Variants in ZBTB1 observed in about 807,000 individuals in gnomAD.
ZBTB1 encodes the protein zinc finger and BTB domain containing 1.
In ZBTB1, 13 loss-of-function variants were observed where a neutral mutation model predicts 51.6. The ratio of observed to expected loss-of-function variants is 0.25; its 90% confidence interval spans 0.16 to 0.40. The LOEUF (loss-of-function observed/expected upper bound fraction) is 0.40, where lower values mean the gene tolerates loss of function less well. Ranked by LOEUF, ZBTB1 falls within the 10% of genes least tolerant of loss-of-function variation. The pLI, the probability that ZBTB1 is intolerant of heterozygous loss-of-function variation, is 1.00. For synonymous variants in ZBTB1, 240 were observed against 282.2 expected (o/e 0.85, Z 1.50); for missense variants, 567 against 856.5 (o/e 0.66, Z 4.22).
intron 1 of ZBTB1, among the ~76,000 whole-genome samples, chr14:64,508,419 C>G (rs551873625): frequency 6.6e-6 from 1 of 151,980 alleles, no homozygotes; most frequent in African/African-American, 2.4e-5. Flanking sequence ...ACTGGACATT[C>G]TTCCTGCAAG....
chr14:64,517,785 T>A lies in ZBTB1; in HGVS notation c.-18-3702T>A, dbSNP rs867070456. 7.0e-3 allele frequency among the ~76,000 whole-genome samples: 632 copies of A among 90,086 alleles called. 1 individual carries two copies. Among genetic ancestry groups the A allele is most frequent in the South Asian group, 0.013 (33 of 2,598 alleles). 59.1% of individuals were successfully genotyped at this position (90,086 alleles called of 152,430 possible). Reference sequence around the variant, plus strand: ...TATATATATATATATATATATATTTTTTTTTTTTTTTTTTTTTTGAGACAG... The same window carrying A: ...TATATATATATATATATATATATTTATTTTTTTTTTTTTTTTTTGAGACAG... On this transcript the variant is annotated intron_variant, in intron 1 of 1. Coordinates refer to ENST00000683701, the MANE Select transcript of ZBTB1 (RefSeq NM_001123329.2).
Position 64,508,138 on chromosome 14 carries a change from A to G in ZBTB1, c.-19+3192A>G, listed in dbSNP as rs1000710083. Among the ~76,000 whole-genome samples the G allele has an allele frequency of 3.9e-5, 6 of 152,234 alleles. No homozygotes were observed. In the South Asian group the frequency reaches 1.2e-3, roughly 32 times the overall value. ...GATGATCTAAAAACAGAGCCCCAAA[A>G]TAGTACATAGAAAGTTAATTACAAC... On this transcript the variant is annotated intron_variant, in intron 1 of 1. Coordinates refer to ENST00000683701, the MANE Select transcript of ZBTB1 (RefSeq NM_001123329.2).
At chr14:64,520,923 C>T (rs1028225158) in intron 1 of ZBTB1, among the ~76,000 whole-genome samples, 8 of 150,802 alleles carry the variant, frequency 5.3e-5, no homozygotes, top group East Asian at 3.9e-4. Flanking sequence ...AGTGCAGTGG[C>T]GTGACGCAAC....
rs768311327 is a variant in ZBTB1, at chr14:64,523,490, T to G, written c.1986T>G (p.Thr662=). Residue 662 remains threonine, a synonymous_variant, in exon 2 of 2, where the codon ACT becomes ACG. Transcript: ENST00000683701. The surrounding 1 kb of genome is among the most constrained non-coding windows in gnomAD (Gnocchi z 4.5). The stretch of plus-strand genomic sequence containing the variant: ...TTTCTCATTTATCTGCTGGTGAGAC[T>G]ATATGCCAGGTCTGCTTTCAGATAT... ...HMISHLSAGE[T]ICQVCFQIFP... is the part of the protein sequence containing the mutation. The G allele has an allele frequency of 1.4e-5, 22 of 1,612,600 alleles. No homozygotes were observed. Among genetic ancestry groups the G allele is most frequent in the Non-Finnish European group, 1.7e-5 (20 of 1,179,194 alleles).
chr14:64,513,140 A>G lies in ZBTB1; in HGVS notation c.-19+8194A>G, dbSNP rs75778011. 8.1e-3 allele frequency among the ~76,000 whole-genome samples: 1,232 copies of G among 152,280 alleles called. 17 individuals are homozygous for G. The highest frequency in any genetic ancestry group is 0.028 in the African/African-American group (1,170 of 41,538). ...TAAAATGATACCTATATATGGATAC[A>G]TACACAGATATGCACACATACACAC... On this transcript the variant is annotated intron_variant, in intron 1 of 1. Coordinates refer to ENST00000683701, the MANE Select transcript of ZBTB1 (RefSeq NM_001123329.2).
chr14:64,530,864 T>A (rs960514942), intron 2 of ZBTB1, among the ~76,000 whole-genome samples: 7 of 147,248 alleles, frequency 4.8e-5, no homozygotes, highest in Non-Finnish European at 1.1e-4. Flanking sequence ...AAAGATAGTA[T>A]GAAGATTACA....
chr14:64,522,385 A>G lies in ZBTB1; in HGVS notation c.881A>G (p.Asp294Gly), dbSNP rs1407010948. 6.2e-7 allele frequency: 1 copy of G among 1,614,174 alleles called. No homozygotes were observed. Among genetic ancestry groups the G allele is most frequent in the Non-Finnish European group, 8.5e-7 (1 of 1,180,030 alleles). ...YRGDTSQAAD[D>G]SASTTGSRKS... ...GGAGACACAAGCCAGGCTGCTGATG[A>G]TTCAGCTTCAACCACTGGAAGCAGA... The change falls in exon 2 of 2, where the codon GAT becomes GGT. Residue 294 changes from aspartate to glycine, a missense_variant. By Grantham distance (94) the Asp-to-Gly change is moderately conservative. Coordinates refer to ENST00000683701, the MANE Select transcript of ZBTB1 (RefSeq NM_001123329.2).
At position 64,505,000 on chromosome 14, in the gene ZBTB1, G is replaced by C. The variant is rs181685058; in HGVS notation, c.-19+54G>C. On this transcript the variant is annotated intron_variant, in intron 1 of 1. Transcript: ENST00000683701. ...TGCGCAACTTTGGCCCAGGCCGGAG[G>C]GCGACGGGCCGCGGGCCTGGCGGAG... The C allele has an allele frequency of 1.1e-3, 428 of 390,910 alleles. 3 individuals carry two copies. In the East Asian group the frequency reaches 0.015, roughly 14 times the overall value. 24.2% of individuals were successfully genotyped at this position (390,910 alleles called of 1,614,324 possible).
rs1387971169 is a variant in ZBTB1 at position 64,522,194 on chromosome 14, A to G, written c.690A>G (p.Leu230=). 21 of 1,614,134 alleles carry G rather than the reference A, an allele frequency of 1.3e-5. No individual in the cohort carries two copies. The highest frequency in any genetic ancestry group is 1.8e-5 in the Non-Finnish European group (21 of 1,180,042). ...GATTTGGCTTTAGCTGTGAAAAATT[A>G]TTAGATGAGCATGTGCTAACCTGTA... The part of the protein sequence containing the change: ...SCGFGFSCEK[L]LDEHVLTCTN... Residue 230 remains leucine, a synonymous_variant, in exon 2 of 2, where the codon TTA becomes TTG. Transcript: ENST00000683701.
At chr14:64,526,799 C>T (rs946169114), downstream of ZBTB1, among the ~76,000 whole-genome samples, 9 of 151,898 alleles carry the variant, frequency 5.9e-5, no homozygotes, top group African/African-American at 4.8e-5. Context: ...TCCGGCTACT[C>T]GGGAGGCTGA....
chr14:64,531,709 C>A lies in ZBTB1; in HGVS notation c.1899-152C>A. 10 of 753,626 alleles carry A rather than the reference C, an allele frequency of 1.3e-5. 1 individual carries two copies. The South Asian group carries it at 1.6e-4, about 12-fold the overall frequency. The allele number at this position is 753,626 out of a possible 1,614,324, so 46.7% of individuals were successfully genotyped here. ...AATAATTAAATTTAAATTCTAGGGG[C>A]TATGCTTGTGTTTCTATTCTCTGTT... is the stretch of plus-strand genomic sequence containing the variant. On this transcript the variant is annotated intron_variant, in intron 2 of 2. Transcript: ENST00000358738.
Position 64,523,821 on chromosome 14 carries a change from G to GT in ZBTB1, c.*178dup. The GT allele has an allele frequency of 1.6e-6, 2 of 1,287,600 alleles. No homozygotes were observed. The highest frequency in any genetic ancestry group is 2.0e-6 in the Non-Finnish European group (2 of 1,003,722). 79.8% of individuals were successfully genotyped at this position (1,287,600 alleles called of 1,614,324 possible). A position where few individuals can be genotyped will look rare whatever the true frequency, so the allele number is the denominator to read the frequency against. On this transcript the variant is annotated 3_prime_UTR_variant, in exon 2 of 2. Transcript: ENST00000683701. This position sits in a 1 kb window ranked among gnomAD's most constrained non-coding sequence, Gnocchi z 4.5. Reference sequence around the variant, plus strand: ...AAGTATCTACATTTAGGTATTAAATGTTTATCATTTTTGTTGTTTCTTAAT... The same window carrying GT: ...AAGTATCTACATTTAGGTATTAAATGTTTTATCATTTTTGTTGTTTCTTAAT...
intron 1 of ZBTB1, among the ~76,000 whole-genome samples, chr14:64,520,033 G>A (rs919687189): frequency 3.3e-5 from 5 of 151,890 alleles, no homozygotes; most frequent in Admixed American, 1.3e-4. Context: ...ACGGAGTCTC[G>A]CTCTGTCGCC....
chr14:64,515,379 C>G (rs1442292468), intron 1 of ZBTB1, among the ~76,000 whole-genome samples: 1 of 152,054 alleles, frequency 6.6e-6, no homozygotes, highest in Admixed American at 6.5e-5. Context: ...TTACTTAAAA[C>G]CTTTTATAGG....
chr14:64,508,064 A>G (rs2140083666), intron 1 of ZBTB1, among the ~76,000 whole-genome samples: 1 of 152,202 alleles, frequency 6.6e-6, no homozygotes, highest in African/African-American at 2.4e-5. Context: ...GCAGGGTCTC[A>G]CTCCTTAGCC....
In ZBTB1 at chr14:64,522,096, G is replaced by A. The variant is rs201229691; in HGVS notation, c.592G>A (p.Val198Met). The change falls in exon 2 of 2, where the codon GTG becomes ATG. Residue 198 changes from valine (V) to methionine (M), a missense_variant. Val to Met is a conservative substitution (Grantham distance 21). Coordinates refer to ENST00000683701, the MANE Select transcript of ZBTB1 (RefSeq NM_001123329.2). ...ATTTGATGTATGTAAAAAAAGTTCC[G>A]TGTCCAAATTATCTACTCCAAAAGA... ...PLFDVCKKSS[V>M]SKLSTPKERV... 67 of 1,614,124 alleles carry A rather than the reference G, an allele frequency of 4.2e-5. No homozygotes were observed. In the East Asian group the frequency reaches 6.2e-4, roughly 15 times the overall value.
downstream of ZBTB1, among the ~76,000 whole-genome samples, chr14:64,527,632 C>G (rs1432144286): frequency 6.6e-6 from 1 of 151,630 alleles, no homozygotes; most frequent in South Asian, 2.1e-4. Flanking sequence ...ATTAGCCAGG[C>G]GTGGTGGCGC....
intron 1 of ZBTB1, among the ~76,000 whole-genome samples, chr14:64,509,274 G>A (rs916084547): frequency 1.3e-5 from 2 of 152,210 alleles, no homozygotes; most frequent in Admixed American, 6.5e-5. Context: ...AGAGACTGAG[G>A]TGGGAGGAAC....
At position 64,523,475 on chromosome 14, in the gene ZBTB1, A is replaced by G; in HGVS notation, c.1971A>G (p.Leu657=). ...HDHVRHMISH[L]SAGETICQVC... ...ATGTACGGCATATGATTTCTCATTT[A>G]TCTGCTGGTGAGACTATATGCCAGG... is the stretch of plus-strand genomic sequence containing the variant. The change falls in exon 2 of 2, where the codon TTA becomes TTG. Residue 657 remains leucine, a synonymous_variant. Coordinates refer to ENST00000683701, the MANE Select transcript of ZBTB1 (RefSeq NM_001123329.2). This position sits in a 1 kb window ranked among gnomAD's most constrained non-coding sequence, Gnocchi z 4.5. 6.2e-7 allele frequency: 1 copy of G among 1,613,940 alleles called. No homozygotes were observed. The highest frequency in any genetic ancestry group is 1.1e-5 in the South Asian group (1 of 91,064).
Sources: gnomAD v4.1 joint callset for allele counts (sites outside exome capture counted in the v4.1 genomes callset) on GRCh38, gnomAD v4.1.1 for gene constraint, Gnocchi (gnomAD v3.1) non-coding constraint, MANE v1.5 for transcripts, NCBI Gene and HGNC (gene_info 2026-07-23, HGNC 2026-07-21) for gene names.